Variants in POM121C observed in about 807,000 individuals in gnomAD.
The protein encoded by POM121C is nuclear envelope pore membrane protein POM 121C.
A neutral mutation model predicts 66.4 loss-of-function variants in POM121C; 20 were observed. The ratio of observed to expected loss-of-function variants is 0.30; its 90% CI spans 0.21 to 0.44. The LOEUF (loss-of-function observed/expected upper bound fraction) is 0.44. POM121C is among the 20% of genes least tolerant of loss of function. The probability of loss-of-function intolerance (pLI) is 1.00; values close to 1 mark genes in which losing one functional copy is unlikely to be tolerated. For missense variants in POM121C, 580 were observed against 1,225.7 expected (o/e 0.47, Z 7.87); for synonymous variants, 286 against 528.0 (o/e 0.54, Z 6.28).
Position 75,486,256 on chromosome 7 carries a change from G to C in POM121C, c.-850C>G, listed in dbSNP as rs587740702. Reference sequence around the variant, plus strand: ...CCACTAGAAGCCAAAGCCTGGGAACGAGAGCAAGCGATGACCTGAAGAGGC... The same window carrying C: ...CCACTAGAAGCCAAAGCCTGGGAACCAGAGCAAGCGATGACCTGAAGAGGC... On this transcript the variant is annotated 5_prime_UTR_variant, in exon 1 of 15. Coordinates refer to ENST00000615331, the MANE Select transcript of POM121C (RefSeq NM_001099415.3). The C allele has an allele frequency of 6.1e-5, 17 of 276,698 alleles. No individual in the cohort carries two copies. The highest frequency in any genetic ancestry group is 1.2e-3 in the Middle Eastern group (1 of 830). The allele number at this position is 276,698 out of a possible 1,614,324, so 17.1% of individuals were successfully genotyped here.
intron 3 of POM121C, among the ~76,000 whole-genome samples, chr7:75,458,792 C>T (rs879964050): frequency 5.9e-4 from 90 of 151,266 alleles, no homozygotes; most frequent in African/African-American, 2.0e-3. Context: ...CCAGAAAAAT[C>T]CGAACCCAGA....
intron 3 of POM121C, among the ~76,000 whole-genome samples, chr7:75,467,378 A>G (rs587647112): frequency 3.9e-5 from 6 of 151,962 alleles, no homozygotes; most frequent in Admixed American, 3.3e-4. Context: ...AAAAATACAA[A>G]AAAATTAGCC....
intron 7 of POM121C, among the ~76,000 whole-genome samples, chr7:75,435,175 G>A (rs782332106): frequency 1.3e-5 from 2 of 152,304 alleles, no homozygotes; most frequent in African/African-American, 2.4e-5. Flanking sequence ...ACAACCCAAC[G>A]TTTGTCAATA....
chr7:75,473,429 T>C (rs1791945493), intron 3 of POM121C, among the ~76,000 whole-genome samples: 1 of 151,804 alleles, frequency 6.6e-6, no homozygotes, highest in African/African-American at 2.4e-5. Context: ...GGACAGAGCA[T>C]GATTCCAGTT....
intron 3 of POM121C, among the ~76,000 whole-genome samples, chr7:75,446,932 C>T (rs1367636380): frequency 8.0e-5 from 11 of 138,038 alleles, no homozygotes; most frequent in Non-Finnish European, 1.5e-4. Flanking sequence ...GGCGTGAACC[C>T]GGGAGGCGGA....
rs1789481120 is a variant in POM121C at position 75,416,794 on chromosome 7, A to G, written c.*2002T>C. On this transcript the variant is annotated 3_prime_UTR_variant, in exon 15 of 15. Coordinates refer to ENST00000615331, the MANE Select transcript of POM121C (RefSeq NM_001099415.3). ...AAATGCAGAACGTACTCTACGATAG[A>G]TCACAGTTTTTTATTCTTAATGTCA... 1.3e-6 allele frequency: 2 copies of G among 1,520,288 alleles called. No individual in the cohort carries two copies. Among genetic ancestry groups the G allele is most frequent in the Admixed American group, 2.3e-5 (1 of 44,286 alleles). 94.2% of individuals were successfully genotyped at this position (1,520,288 alleles called of 1,614,324 possible).
In POM121C at chr7:75,424,514, T is replaced by G. The variant is rs1439411423; in HGVS notation, c.871+12A>C. 1.2e-6 allele frequency: 2 copies of G among 1,612,804 alleles called. No individual in the cohort carries two copies. Among genetic ancestry groups the G allele is most frequent in the Admixed American group, 1.7e-5 (1 of 60,020 alleles). On this transcript the variant is annotated intron_variant, in intron 11 of 14. Coordinates refer to ENST00000615331, the MANE Select transcript of POM121C (RefSeq NM_001099415.3). ...GAAACCTCTCGAGAGTGCAACGATCTGTGCTCCTTACCACTCTTGTCCTCC... is the reference window on the plus strand; with the variant it reads ...GAAACCTCTCGAGAGTGCAACGATCGGTGCTCCTTACCACTCTTGTCCTCC...
At chr7:75,421,190 G>A (rs1320371820) in intron 13 of POM121C, 21 of 613,924 alleles carry the variant, frequency 3.4e-5, no homozygotes, top group African/African-American at 9.6e-5. Context: ...TGCCCAGGCT[G>A]GTCTTGAACT....
At chr7:75,425,325 T>C in intron 9 of POM121C, 130 bp from the exon 10 acceptor site, 1 of 748,022 alleles carries the variant, frequency 1.3e-6, no homozygotes, top group Non-Finnish European at 2.1e-6. Context: ...TCTTCTATGG[T>C]TTGGTTGCTT....
chr7:75,434,552 C>T (rs1554472850), intron 7 of POM121C, among the ~76,000 whole-genome samples: 1 of 146,920 alleles, frequency 6.8e-6, no homozygotes, highest in African/African-American at 2.5e-5. Context: ...GCTGGGATTA[C>T]AAGAGTGAGC....
chr7:75,418,388 A>G lies in POM121C; in HGVS notation c.*408T>C. The G allele has an allele frequency of 1.0e-6, 1 of 1,002,424 alleles. No homozygotes were observed. The allele number at this position is 1,002,424 out of a possible 1,614,324, so 62.1% of individuals were successfully genotyped here. On this transcript the variant is annotated 3_prime_UTR_variant, in exon 15 of 15. Transcript: ENST00000615331. ...AGCTTTAGGGATAACCCATTTCCCAAATCCCATCAGGTGCACACCACCGAT... is the reference window on the plus strand; with the variant it reads ...AGCTTTAGGGATAACCCATTTCCCAGATCCCATCAGGTGCACACCACCGAT...
intron 5 of POM121C, among the ~76,000 whole-genome samples, 163 bp from the exon 6 acceptor site, chr7:75,439,387 A>AT (rs367658925): frequency 0.074 from 11,071 of 150,136 alleles, 500 homozygotes; most frequent in Non-Finnish European, 0.11. Flanking sequence ...TGAAAGGTAA[A>AT]TTTTTTTTTT....
intron 5 of POM121C, chr7:75,440,584 A>G: frequency 4.4e-6 from 1 of 226,384 alleles, no homozygotes; most frequent in Non-Finnish European, 8.6e-6. Flanking sequence ...AAAAAAAAAA[A>G]GACACTAGAA....
In POM121C at chr7:75,421,610, A is replaced by T. The variant is rs782413053; in HGVS notation, c.2642T>A (p.Phe881Tyr). 10 of 1,613,348 alleles carry T rather than the reference A, an allele frequency of 6.2e-6. No individual in the cohort carries two copies. The highest frequency in any genetic ancestry group is 8.5e-6 in the Non-Finnish European group (10 of 1,179,750). ...GGCGTTCTGACCTAAGCCCCCTGTG[A>T]AGGGGGTGGAGGTGGCTGTGCTCCC... ...QSGSTATSTPFTGGLGQNALG... is the reference protein window; with the variant it reads ...QSGSTATSTPYTGGLGQNALG... The change falls in exon 13 of 15, where the codon TTC becomes TAC. Residue 881 changes from phenylalanine to tyrosine, a missense_variant. Physicochemically the swap from Phe to Tyr is conservative, Grantham distance 22. Coordinates refer to ENST00000615331, the MANE Select transcript of POM121C (RefSeq NM_001099415.3).
chr7:75,426,797 C>CAAAAA (rs543569250), intron 7 of POM121C, among the ~76,000 whole-genome samples: 7 of 61,072 alleles, frequency 1.1e-4, no homozygotes, highest in Admixed American at 2.4e-4. Context: ...GACCCTGTCT[C>CAAAAA]AAAAAAAAAA....
chr7:75,473,845 C>A (rs1217394559), intron 3 of POM121C, among the ~76,000 whole-genome samples: 3 of 151,962 alleles, frequency 2.0e-5, no homozygotes, highest in Middle Eastern at 3.2e-3. Context: ...CCCGCCACTA[C>A]GTCCGGCTAA....
intron 1 of POM121C, among the ~76,000 whole-genome samples, chr7:75,478,920 GA>G (rs1735579284): frequency 1.4e-5 from 2 of 144,734 alleles, no homozygotes. Context: ...ACAGAAACAT[GA>G]AAAAAATGAT....
intron 1 of POM121C, among the ~76,000 whole-genome samples, chr7:75,481,525 A>G (rs1792308883): frequency 6.6e-6 from 1 of 152,196 alleles, no homozygotes; most frequent in Non-Finnish European, 1.5e-5. Context: ...TAGAGAATAG[A>G]AATTTATCTT....
At chr7:75,452,505 G>A (rs587714451) in intron 3 of POM121C, among the ~76,000 whole-genome samples, 1 of 152,310 alleles carries the variant, frequency 6.6e-6, no homozygotes, top group South Asian at 2.1e-4. Context: ...ATATTAGTTA[G>A]TTATTAGCTC....
Sources: gnomAD v4.1 joint callset for allele counts (sites outside exome capture counted in the v4.1 genomes callset) on GRCh38, gnomAD v4.1.1 for gene constraint, MANE v1.5 for transcripts, NCBI Gene and HGNC (gene_info 2026-07-23, HGNC 2026-07-21) for gene names.